Variants in KMT2A observed in about 807,000 individuals in gnomAD.
The protein encoded by KMT2A is lysine methyltransferase 2A.
In KMT2A, 16 loss-of-function variants were observed where a neutral mutation model predicts 345.3. That is an observed-to-expected ratio of 0.05 (90% confidence interval 0.03 to 0.07). KMT2A has a LOEUF of 0.07. Among genes scored for constraint, KMT2A ranks in the 10% least tolerant of loss-of-function variants. The probability of loss-of-function intolerance (pLI) is 1.00; values close to 1 mark genes in which losing one functional copy is unlikely to be tolerated. For synonymous variants in KMT2A, 1,599 were observed against 1,778.6 expected, an observed-to-expected ratio of 0.90 and a Z score of 2.54; for missense variants, 3,272 against 4,841.6, an observed-to-expected ratio of 0.68 and a Z score of 9.62.
Position 118,459,162 on chromosome 11 carries a change from T to C in KMT2A, c.433-9613T>C, listed in dbSNP as rs997280888. 3.3e-5 allele frequency among the ~76,000 whole-genome samples: 5 copies of C among 152,056 alleles called. No homozygotes were observed. In the South Asian group the frequency reaches 1.0e-3, roughly 31 times the overall value. On this transcript the variant is annotated intron_variant, in intron 1 of 35. Transcript: ENST00000534358. ...TCAGCTCACTGCAACCTCTGCCTCC[T>C]GGGTTCAAGTGATTCTTGTGCATCA...
Position 118,526,673 on chromosome 11 carries a change from AAAT to A in KMT2A, c.*4508_*4510del, listed in dbSNP as rs1157913081. ...AAGGAAAATACTTTAATAGTTCAAA[AAAT>A]AATAATGCTGAAAGCTCTCTACGAA... On this transcript the variant is annotated 3_prime_UTR_variant, in exon 36 of 36. Transcript: ENST00000534358. 1 of 231,784 alleles carries A rather than the reference AAAT, an allele frequency of 4.3e-6. No homozygotes were observed. The highest frequency in any genetic ancestry group is 8.5e-6 in the Non-Finnish European group (1 of 117,264). The allele number at this position is 231,784 out of a possible 1,614,324, so 14.4% of individuals were successfully genotyped here.
intron 4 of KMT2A, among the ~76,000 whole-genome samples, chr11:118,477,487 C>T (rs1591380438): frequency 8.2e-6 from 1 of 121,850 alleles, no homozygotes. Flanking sequence ...CATCAAGATG[C>T]AAGTTATTGG....
At chr11:118,438,138 T>C (rs560173852) in intron 1 of KMT2A, among the ~76,000 whole-genome samples, 2 of 152,100 alleles carry the variant, frequency 1.3e-5, no homozygotes, top group Admixed American at 1.3e-4. Flanking sequence ...TATACTTTAG[T>C]GTGGTGGCGG....
At position 118,501,209 on chromosome 11, in the gene KMT2A, G is replaced by A. The variant is rs560785779; in HGVS notation, c.6319+62G>A. On this transcript the variant is annotated intron_variant, in intron 25 of 35. Transcript: ENST00000534358. ...ACAGTGGCTCACGCCTGTAATCGCA[G>A]CACTTTGGGAGGCTGAGGCAGGTGA... The A allele has an allele frequency of 6.6e-6, 10 of 1,511,114 alleles. No individual in the cohort carries two copies. In the South Asian group the frequency reaches 8.3e-5, roughly 13 times the overall value. 93.6% of individuals were successfully genotyped at this position (1,511,114 alleles called of 1,614,324 possible). A position where few individuals can be genotyped will look rare whatever the true frequency, so the allele number is the denominator to read the frequency against.
rs9332764 is a variant in KMT2A at position 118,469,140 on chromosome 11, C to G, written c.502+296C>G. On this transcript the variant is annotated intron_variant, in intron 2 of 35. Coordinates refer to ENST00000534358, the MANE Select transcript of KMT2A (RefSeq NM_001197104.2). ...ATATCTCCCAATGCTATCCCTCCCC[C>G]CTCCCCCCAGCTAGACTTCTTTATG... 3.0e-5 allele frequency among the ~76,000 whole-genome samples: 4 copies of G among 133,410 alleles called. No individual in the cohort carries two copies. The East Asian group carries it at 1.0e-3, about 35-fold the overall frequency. The allele number at this position is 133,410 out of a possible 152,430, so 87.5% of individuals were successfully genotyped here.
intron 1 of KMT2A, among the ~76,000 whole-genome samples, chr11:118,455,759 G>T (rs541584165): frequency 6.6e-6 from 1 of 151,054 alleles, no homozygotes; most frequent in Non-Finnish European, 1.5e-5. Context: ...GTTCAGTGGC[G>T]CAATCATGGC....
chr11:118,481,679 C>T, intron 6 of KMT2A, 36 bp from the exon 7 acceptor site: 1 of 1,580,214 alleles, frequency 6.3e-7, no homozygotes, highest in Non-Finnish European at 8.6e-7. Context: ...ATTATTCTCA[C>T]TATAGACAGA....
rs781965936 is a variant in KMT2A, at chr11:118,468,863, A to G, written c.502+19A>G. ...CCTTCAGGTACGGCCAATTAAGTGC[A>G]TGGTGCCTTTTAAGTTTTGTTTGTT... is the stretch of plus-strand genomic sequence containing the variant. On this transcript the variant is annotated intron_variant, in intron 2 of 35. Coordinates refer to ENST00000534358, the MANE Select transcript of KMT2A (RefSeq NM_001197104.2). The G allele has an allele frequency of 6.2e-7, 1 of 1,602,850 alleles. No individual in the cohort carries two copies. Among genetic ancestry groups the G allele is most frequent in the East Asian group, 2.2e-5 (1 of 44,794 alleles).
At position 118,521,532 on chromosome 11, in the gene KMT2A, A is replaced by C. The variant is rs560463865; in HGVS notation, c.11643+115A>C. The C allele has an allele frequency of 1.3e-5, 16 of 1,264,082 alleles. No homozygotes were observed. In the African/African-American group the frequency reaches 1.9e-4, roughly 15 times the overall value. The allele number at this position is 1,264,082 out of a possible 1,614,324, so 78.3% of individuals were successfully genotyped here. Reference sequence around the variant, plus strand: ...TGTTATCAATTCAGAGACCTTTCTTAAAAAAATAAACTCTGAAATTTGTGA... The same window carrying C: ...TGTTATCAATTCAGAGACCTTTCTTCAAAAAATAAACTCTGAAATTTGTGA... On this transcript the variant is annotated intron_variant, in intron 35 of 35. Coordinates refer to ENST00000534358, the MANE Select transcript of KMT2A (RefSeq NM_001197104.2). This position sits in a 1 kb window ranked among gnomAD's most constrained non-coding sequence, Gnocchi z 5.3.
chr11:118,489,693 G>A, intron 11 of KMT2A, 99 bp from the exon 12 acceptor site: 1 of 893,016 alleles, frequency 1.1e-6, no homozygotes. Context: ...ATTGTGTGCT[G>A]TACTTACTTG....
intron 5 of KMT2A, among the ~76,000 whole-genome samples, chr11:118,478,431 A>T (rs1950075317): frequency 6.6e-6 from 1 of 152,240 alleles, no homozygotes; most frequent in African/African-American, 2.4e-5. Context: ...CTATTGGAAT[A>T]GTAGACAACA....
intron 4 of KMT2A, 39 bp downstream of exon 4, chr11:118,477,021 T>C (rs1417509939): frequency 3.1e-6 from 5 of 1,600,284 alleles, no homozygotes; most frequent in Non-Finnish European, 4.3e-6. Context: ...GGAACAGACT[T>C]TTGATTTGTT....
Position 118,471,837 on chromosome 11 carries a change from C to T in KMT2A, c.678C>T (p.Pro226=). The change falls in exon 3 of 36, where the codon CCC becomes CCT. Residue 226 remains proline, a synonymous_variant. Transcript: ENST00000534358. ...KSIEKKRGRP[P]TFPGVKIKIT... is the part of the protein sequence containing the mutation. ...TAGAAAAGAAGAGAGGAAGACCTCC[C>T]ACCTTCCCTGGAGTAAAAATCAAAA... is the stretch of plus-strand genomic sequence containing the variant. 1 of 1,612,374 alleles carries T rather than the reference C, an allele frequency of 6.2e-7. No individual in the cohort carries two copies.
intron 1 of KMT2A, among the ~76,000 whole-genome samples, chr11:118,450,920 T>C (rs1381035492): frequency 6.6e-6 from 1 of 152,246 alleles, no homozygotes; most frequent in African/African-American, 2.4e-5. Context: ...GGGTATATTA[T>C]ACTTTTCTTA....
At position 118,472,176 on chromosome 11, in the gene KMT2A, A is replaced by G. The variant is rs1161650828; in HGVS notation, c.1017A>G (p.Pro339=). 1 of 1,614,016 alleles carries G rather than the reference A, an allele frequency of 6.2e-7. No individual in the cohort carries two copies. Among genetic ancestry groups the G allele is most frequent in the South Asian group, 1.1e-5 (1 of 91,080 alleles). ...KVRKDKEGTP[P]LTKEDKTVVR... ...GGAAAGACAAGGAAGGAACACCTCC[A>G]CTTACAAAAGAAGATAAGACAGTTG... is the stretch of plus-strand genomic sequence containing the variant. Residue 339 remains proline, a synonymous_variant, in exon 3 of 36, where the codon CCA becomes CCG. Transcript: ENST00000534358.
intron 23 of KMT2A, 34 bp from the exon 24 acceptor site, chr11:118,499,801 A>G: frequency 1.4e-6 from 2 of 1,476,846 alleles, no homozygotes. Flanking sequence ...GACGCTCATA[A>G]TCTTCTCTAA....
chr11:118,491,903 C>T lies in KMT2A; in HGVS notation c.4979C>T (p.Thr1660Ile), dbSNP rs1950330030. 6.2e-7 allele frequency: 1 copy of T among 1,613,496 alleles called. No individual in the cohort carries two copies. The highest frequency in any genetic ancestry group is 1.1e-5 in the South Asian group (1 of 91,046). ...VLTALLNSRT[T>I]SHLLRYRQAA... Reference sequence around the variant, plus strand: ...ACAGCTTTGTTGAATTCTCGGACTACCAGCCATTTGCTACGCTACCGGCAG... The same window carrying T: ...ACAGCTTTGTTGAATTCTCGGACTATCAGCCATTTGCTACGCTACCGGCAG... The change falls in exon 15 of 36, where the codon ACC becomes ATC. Residue 1660 changes from threonine to isoleucine, a missense_variant. Thr to Ile is a moderately conservative substitution (Grantham distance 89). This residue lies in a region of KMT2A where 66 missense variants were observed against 80.1 expected (regional missense o/e 0.82). Transcript: ENST00000534358. The surrounding 1 kb of genome is among the most constrained non-coding windows in gnomAD (Gnocchi z 4.2).
At chr11:118,454,673 G>A (rs537954683) in intron 1 of KMT2A, among the ~76,000 whole-genome samples, 7 of 152,246 alleles carry the variant, frequency 4.6e-5, no homozygotes, top group Admixed American at 2.6e-4. Context: ...CAAGCTCGTC[G>A]TAAAGTCAAA....
rs1190711875 is a variant in KMT2A at position 118,472,304 on chromosome 11, G to A, written c.1145G>A (p.Gly382Glu). The A allele has an allele frequency of 6.2e-7, 1 of 1,613,970 alleles. No homozygotes were observed. The highest frequency in any genetic ancestry group is 1.3e-5 in the African/African-American group (1 of 74,900). The stretch of plus-strand genomic sequence containing the variant: ...CAACTCTTACAGAGGGCAAAAAAGG[G>A]GGCTCAAAAGAAAATTGAAAAAGAA... ...AKQLLQRAKK[G>E]AQKKIEKEAA... The change falls in exon 3 of 36, where the codon GGG becomes GAG. Residue 382 changes from glycine (G) to glutamate (E), a missense_variant. Around this residue, in one of 27 missense-constraint regions of KMT2A, gnomAD observed 412 missense variants for 511.0 expected, o/e 0.81. Coordinates refer to ENST00000534358, the MANE Select transcript of KMT2A (RefSeq NM_001197104.2).
Sources: allele counts gnomAD v4.1 joint callset (sites outside exome capture counted in the v4.1 genomes callset), GRCh38; gene constraint gnomAD v4.1.1; regional missense constraint gnomAD v4.1.1; non-coding constraint Gnocchi (gnomAD v3.1); transcripts MANE v1.5; gene names NCBI Gene and HGNC (gene_info 2026-07-23, HGNC 2026-07-21).